Variants in UBR1 observed in about 807,000 individuals in gnomAD.
UBR1 encodes the protein ubiquitin protein ligase E3 component n-recognin 1, also known as E3 ubiquitin-protein ligase UBR1.
In UBR1, 102 loss-of-function variants were observed where a neutral mutation model predicts 242.1. The observed-to-expected ratio is 0.42, with a 90% CI of 0.36 to 0.50. UBR1 has a LOEUF of 0.50. UBR1 is among the 20% of genes least tolerant of loss of function. The probability of loss-of-function intolerance (pLI) is 0.01; values close to 1 mark genes in which losing one functional copy is unlikely to be tolerated. For missense variants in UBR1, 1,772 were observed against 2,101.8 expected (o/e 0.84, Z 3.07); for synonymous variants, 675 against 684.8 (o/e 0.99, Z 0.22).
At chr15:43,003,573 C>T (rs2032759532) in intron 31 of UBR1, among the ~76,000 whole-genome samples, 2 of 152,134 alleles carry the variant, frequency 1.3e-5, no homozygotes, top group South Asian at 4.1e-4. Context: ...ACTTTTTTTA[C>T]ATGAATACTG....
intron 39 of UBR1, among the ~76,000 whole-genome samples, chr15:42,974,959 T>C (rs1241252581): frequency 6.6e-6 from 1 of 152,158 alleles, no homozygotes; most frequent in African/African-American, 2.4e-5. Context: ...TGCAATGGCA[T>C]GATCTCAGCT....
chr15:42,953,126 A>G (rs1432641935), intron 44 of UBR1, among the ~76,000 whole-genome samples: 5 of 152,192 alleles, frequency 3.3e-5, no homozygotes, highest in Non-Finnish European at 7.3e-5. Flanking sequence ...AGTAAGTCTT[A>G]GGAAGGAAAA....
chr15:42,986,981 C>T (rs1487169994), intron 35 of UBR1, among the ~76,000 whole-genome samples: 1 of 152,234 alleles, frequency 6.6e-6, no homozygotes, highest in Admixed American at 6.5e-5. Flanking sequence ...GCCGCCAGCC[C>T]ACTGACCCCC....
chr15:42,990,000 C>T (rs765639831), intron 34 of UBR1, 30 bp downstream of exon 34: 2 of 1,514,888 alleles, frequency 1.3e-6, no homozygotes, highest in East Asian at 4.5e-5. Flanking sequence ...CAATCATTTA[C>T]AAAGTTCTCT....
chr15:43,006,262 C>A (rs2032828499), intron 30 of UBR1, among the ~76,000 whole-genome samples: 1 of 152,118 alleles, frequency 6.6e-6, no homozygotes, highest in African/African-American at 2.4e-5. Context: ...ACTCATAGGG[C>A]TGTTGTGAGG....
intron 33 of UBR1, among the ~76,000 whole-genome samples, chr15:42,996,274 G>T (rs2032637382): frequency 6.6e-6 from 1 of 152,048 alleles, no homozygotes; most frequent in Non-Finnish European, 1.5e-5. Context: ...CACATATGAG[G>T]TCAACGAGGC....
intron 26 of UBR1, 84 bp downstream of exon 26, chr15:43,022,618 A>G (rs999658553): frequency 2.7e-5 from 27 of 999,880 alleles, no homozygotes; most frequent in Non-Finnish European, 4.0e-5. Flanking sequence ...TGTAAGATAT[A>G]AACTTTCAGG....
chr15:43,094,436 A>AAAGCAAACAAACAAACAAAC (rs2034136812), intron 1 of UBR1, among the ~76,000 whole-genome samples: 1 of 151,896 alleles, frequency 6.6e-6, no homozygotes, highest in Non-Finnish European at 1.5e-5. Flanking sequence ...CTCAAAAAAA[A>AAAGCAAACAAACAAACAAAC]AAGCAAACAA....
At chr15:43,075,943 TA>T (rs1198197496) in intron 3 of UBR1, among the ~76,000 whole-genome samples, 1 of 118,236 alleles carries the variant, frequency 8.5e-6, no homozygotes, top group African/African-American at 3.2e-5. Flanking sequence ...TAAACAAACT[TA>T]AAAAAACTCA....
chr15:43,058,953 C>T lies in UBR1; in HGVS notation c.1093+132G>A, dbSNP rs901814386. 6.4e-6 allele frequency: 5 copies of T among 778,156 alleles called. No individual in the cohort carries two copies. In the Middle Eastern group the frequency reaches 1.1e-3, roughly 165 times the overall value. 48.2% of individuals were successfully genotyped at this position (778,156 alleles called of 1,614,324 possible). ...ACTGACTGGTTAAACTTTATATTCA[C>T]ATGTAGTATCTTATCAATCAAGATT... On this transcript the variant is annotated intron_variant, in intron 9 of 46. Transcript: ENST00000290650.
chr15:43,025,653 C>T, intron 23 of UBR1: 1 of 517,410 alleles, frequency 1.9e-6, no homozygotes, highest in South Asian at 2.1e-5. Flanking sequence ...CCATTATTTT[C>T]TACTGAAAAT....
At chr15:42,974,989 T>C (rs916078748) in intron 39 of UBR1, among the ~76,000 whole-genome samples, 7 of 152,148 alleles carry the variant, frequency 4.6e-5, no homozygotes, top group African/African-American at 1.7e-4. Context: ...CTCTGCCTCC[T>C]GGGTTCAAGC....
intron 35 of UBR1, among the ~76,000 whole-genome samples, chr15:42,987,449 C>T (rs1216441612): frequency 6.6e-6 from 1 of 152,202 alleles, no homozygotes; most frequent in Non-Finnish European, 1.5e-5. Flanking sequence ...GGTGTGGTGG[C>T]TCACGCCTGT....
At chr15:43,037,294 G>A (rs2141317548) in intron 17 of UBR1, among the ~76,000 whole-genome samples, 1 of 150,754 alleles carries the variant, frequency 6.6e-6, no homozygotes, top group African/African-American at 2.4e-5. Flanking sequence ...GTTGCAGTGA[G>A]CTGAGATTAC....
intron 42 of UBR1, among the ~76,000 whole-genome samples, chr15:42,962,852 C>T (rs1214873766): frequency 2.0e-5 from 3 of 152,146 alleles, no homozygotes; most frequent in Admixed American, 6.5e-5. Context: ...CTCCCACTGG[C>T]TGAACCCATG....
chr15:43,086,418 T>A (rs2034036657), intron 1 of UBR1, among the ~76,000 whole-genome samples, 178 bp from the exon 2 acceptor site: 1 of 136,876 alleles, frequency 7.3e-6, no homozygotes, highest in Admixed American at 7.8e-5. Flanking sequence ...AAGCAACTGC[T>A]CACATACCAC....
intron 32 of UBR1, among the ~76,000 whole-genome samples, chr15:43,002,126 A>G (rs1324825276): frequency 6.6e-6 from 1 of 152,234 alleles, no homozygotes; most frequent in Non-Finnish European, 1.5e-5. Context: ...AGTATAATAC[A>G]AGATATAAAA....
At chr15:42,978,219 T>C (rs1475935528) in intron 37 of UBR1, among the ~76,000 whole-genome samples, 10 of 152,244 alleles carry the variant, frequency 6.6e-5, no homozygotes, top group Non-Finnish European at 1.5e-4. Context: ...ATAGAGATTG[T>C]TAAAGAAACA....
intron 10 of UBR1, 81 bp from the exon 11 acceptor site, chr15:43,056,523 G>T: frequency 2.2e-6 from 2 of 928,092 alleles, no homozygotes; most frequent in Non-Finnish European, 1.7e-6. Flanking sequence ...ACTGCTGCAG[G>T]TTTGTTTCTA....
Sources: allele counts gnomAD v4.1 joint callset (sites outside exome capture counted in the v4.1 genomes callset), GRCh38; gene constraint gnomAD v4.1.1; transcripts MANE v1.5; gene names NCBI Gene and HGNC (gene_info 2026-07-23, HGNC 2026-07-21).